The following FSTL4 variants were observed in gnomAD, a reference collection of about 807,000 sequenced individuals.
FSTL4 encodes follistatin like 4, also known as follistatin-related protein 4.
Under a neutral mutation model 78.2 loss-of-function variants are expected in FSTL4, and 28 were observed. The observed-to-expected ratio is 0.36, with a 90% CI of 0.27 to 0.49. The LOEUF is 0.49. Ranked by LOEUF, FSTL4 falls within the 20% of genes least tolerant of loss-of-function variation. FSTL4 has a pLI of 0.98. For synonymous variants in FSTL4, 422 were observed against 440.5 expected, an observed-to-expected ratio of 0.96 and a Z score of 0.53; for missense variants, 922 against 1,084.9, an observed-to-expected ratio of 0.85 and a Z score of 2.11.
the FSTL4 span, among the ~76,000 whole-genome samples, chr5:133,661,054 G>A: frequency 3.3e-5 from 5 of 152,102 alleles, no homozygotes; most frequent in African/African-American, 7.2e-5. Flanking sequence ...GCAATGGCAC[G>A]AGCTCAGCTC....
intron 2 of FSTL4, among the ~76,000 whole-genome samples, chr5:133,595,170 A>G (rs1306678853): frequency 2.0e-5 from 3 of 152,208 alleles, no homozygotes; most frequent in African/African-American, 7.2e-5. Flanking sequence ...CCTCAAAGCC[A>G]TTCTAGGAAG....
At chr5:133,505,626 T>C (rs1208391959) in intron 3 of FSTL4, among the ~76,000 whole-genome samples, 1 of 152,264 alleles carries the variant, frequency 6.6e-6, no homozygotes, top group African/African-American at 2.4e-5. Flanking sequence ...ATGAAGATAT[T>C]TTGGAATAAA....
At chr5:133,311,654 G>A (rs137875239) in intron 6 of FSTL4, among the ~76,000 whole-genome samples, 166 of 152,266 alleles carry the variant, frequency 1.1e-3, no homozygotes, top group African/African-American at 3.6e-3. Context: ...GCTGGAAAAC[G>A]GGAGTCCAGG....
At chr5:133,721,512 C>G in the FSTL4 span, among the ~76,000 whole-genome samples, 3 of 152,184 alleles carry the variant, frequency 2.0e-5, no homozygotes, top group Non-Finnish European at 4.4e-5. Context: ...AAAGACTTTA[C>G]TTCTCCTTCA....
chr5:133,446,053 G>T (rs1757257538), intron 3 of FSTL4, among the ~76,000 whole-genome samples: 1 of 152,152 alleles, frequency 6.6e-6, no homozygotes, highest in African/African-American at 2.4e-5. Context: ...GTATAAAAAT[G>T]ATGGCAGTCA....
At chr5:133,449,778 C>CA (rs1281482712) in intron 3 of FSTL4, among the ~76,000 whole-genome samples, 1 of 152,168 alleles carries the variant, frequency 6.6e-6, no homozygotes, top group Non-Finnish European at 1.5e-5. Context: ...CACCACTGTG[C>CA]AATTCATTTT....
At chr5:133,601,477 C>T (rs1402437686) in intron 2 of FSTL4, among the ~76,000 whole-genome samples, 1 of 152,050 alleles carries the variant, frequency 6.6e-6, no homozygotes, top group Middle Eastern at 3.2e-3. Context: ...GAGCTGGGCC[C>T]TGAAGGAGGA....
At chr5:133,712,520 G>A in the FSTL4 span, among the ~76,000 whole-genome samples, 2 of 152,198 alleles carry the variant, frequency 1.3e-5, no homozygotes, top group African/African-American at 2.4e-5. Flanking sequence ...GAAGTGCTCT[G>A]AAACTCATTC....
At chr5:133,580,952 C>T (rs1350405198) in intron 2 of FSTL4, among the ~76,000 whole-genome samples, 1 of 152,176 alleles carries the variant, frequency 6.6e-6, no homozygotes, top group Non-Finnish European at 1.5e-5. Context: ...CTCCTACCCA[C>T]ACTCATGAAC....
At chr5:133,691,909 G>T in the FSTL4 span, among the ~76,000 whole-genome samples, 10 of 152,168 alleles carry the variant, frequency 6.6e-5, no homozygotes, top group African/African-American at 2.4e-4. Flanking sequence ...CTGGTTTACT[G>T]AACACCTACC....
At chr5:133,261,461 C>T (rs1301636062) in intron 6 of FSTL4, among the ~76,000 whole-genome samples, 1 of 152,188 alleles carries the variant, frequency 6.6e-6, no homozygotes, top group Non-Finnish European at 1.5e-5. Context: ...AAACTGACTT[C>T]CCAGCCATGA....
At chr5:133,531,044 T>C (rs1759240627) in intron 3 of FSTL4, among the ~76,000 whole-genome samples, 1 of 152,132 alleles carries the variant, frequency 6.6e-6, no homozygotes, top group Non-Finnish European at 1.5e-5. Flanking sequence ...GGCTCGGCCC[T>C]GGATAGGGCC....
intron 4 of FSTL4, among the ~76,000 whole-genome samples, chr5:133,316,861 CA>C (rs68048792): frequency 0.23 from 34,373 of 151,912 alleles, 4,216 homozygotes; most frequent in Non-Finnish European, 0.28. Context: ...ATGCATGCTA[CA>C]CATGATGCAA....
At chr5:133,756,700 A>C in the FSTL4 span, among the ~76,000 whole-genome samples, 5 of 152,080 alleles carry the variant, frequency 3.3e-5, no homozygotes, top group South Asian at 1.0e-3. Flanking sequence ...GGGAGGGTAG[A>C]GTTGTGATTT....
At chr5:133,392,350 C>T (rs1423109574) in intron 4 of FSTL4, among the ~76,000 whole-genome samples, 1 of 152,022 alleles carries the variant, frequency 6.6e-6, no homozygotes, top group Non-Finnish European at 1.5e-5. Flanking sequence ...GAAGCAGCTG[C>T]AAGAGAAGGA....
At chr5:133,663,014 AAC>A in the FSTL4 span, among the ~76,000 whole-genome samples, 2 of 152,212 alleles carry the variant, frequency 1.3e-5, no homozygotes, top group Non-Finnish European at 2.9e-5. Context: ...GTACAATTCC[AAC>A]ACTCTAGCAT....
intron 3 of FSTL4, among the ~76,000 whole-genome samples, chr5:133,423,049 G>A (rs1020474423): frequency 5.3e-5 from 8 of 152,212 alleles, no homozygotes; most frequent in East Asian, 1.9e-4. Flanking sequence ...CTGAACGGCC[G>A]AGCTCTAGTT....
At chr5:133,311,841 ATCT>A (rs1179976714) in intron 6 of FSTL4, among the ~76,000 whole-genome samples, 3 of 152,154 alleles carry the variant, frequency 2.0e-5, no homozygotes, top group Non-Finnish European at 4.4e-5. Flanking sequence ...GAGCTTGAAC[ATCT>A]TCTAATGTAA....
At chr5:133,523,524 A>G (rs1196368006) in intron 3 of FSTL4, among the ~76,000 whole-genome samples, 1 of 152,260 alleles carries the variant, frequency 6.6e-6, no homozygotes, top group Non-Finnish European at 1.5e-5. Flanking sequence ...TTTCTGAACC[A>G]GTCAGACCTG....
Sources: allele counts gnomAD v4.1 joint callset (sites outside exome capture counted in the v4.1 genomes callset), GRCh38; gene constraint gnomAD v4.1.1; transcripts MANE v1.5; gene names NCBI Gene and HGNC (gene_info 2026-07-23, HGNC 2026-07-21).